Variants in OR3A2 observed in about 807,000 individuals in gnomAD.
OR3A2 encodes the protein olfactory receptor 3A2.
For missense variants in OR3A2, 318 were observed against 392.8 expected, an observed-to-expected ratio of 0.81 and a Z score of 1.61; for synonymous variants, 126 against 159.3, an observed-to-expected ratio of 0.79 and a Z score of 1.57.
chr17:3,365,531 G>T (rs2049555163), intron 2 of OR3A2, among the ~76,000 whole-genome samples: 1 of 152,154 alleles, frequency 6.6e-6, no homozygotes, highest in South Asian at 2.1e-4. Flanking sequence ...AATCTCAGTG[G>T]ATTAACACAA....
At chr17:3,320,794 G>T (rs568427004) in intron 3 of OR3A2, among the ~76,000 whole-genome samples, 1 of 152,218 alleles carries the variant, frequency 6.6e-6, no homozygotes, top group African/African-American at 2.4e-5. Context: ...TTGCAGTATA[G>T]TTGGAAGTCA....
At chr17:3,356,983 G>C (rs147591008) in intron 2 of OR3A2, among the ~76,000 whole-genome samples, 1,601 of 151,724 alleles carry the variant, frequency 0.011, 90 homozygotes, top group African/African-American at 0.038. Flanking sequence ...CAAAGAACTG[G>C]AAGCTTATCA....
At chr17:3,289,109 G>C (rs533753965), upstream of OR3A2, among the ~76,000 whole-genome samples, 29 of 146,644 alleles carry the variant, frequency 2.0e-4, no homozygotes, top group African/African-American at 7.7e-4. Context: ...GTGTGTGTGA[G>C]TGTGTGTTTG....
chr17:3,370,715 G>C (rs2049607842), intron 2 of OR3A2, among the ~76,000 whole-genome samples: 1 of 151,550 alleles, frequency 6.6e-6, no homozygotes, highest in South Asian at 2.1e-4. Context: ...TGGAGGGAAG[G>C]TCAGCAGATA....
chr17:3,363,739 A>C (rs780385609), intron 2 of OR3A2, among the ~76,000 whole-genome samples: 14 of 152,198 alleles, frequency 9.2e-5, no homozygotes, highest in Admixed American at 3.3e-4. Flanking sequence ...TGGGTAATTT[A>C]TGAAGAGGTT....
intron 3 of OR3A2, chr17:3,291,793 G>T: frequency 1.9e-6 from 3 of 1,613,708 alleles, no homozygotes; most frequent in Non-Finnish European, 2.5e-6. Context: ...GAACCCAGTC[G>T]CATATAGTTA....
intron 3 of OR3A2, among the ~76,000 whole-genome samples, chr17:3,323,361 A>C (rs1474693648): frequency 6.6e-6 from 1 of 152,094 alleles, no homozygotes; most frequent in African/African-American, 2.4e-5. Context: ...ATTTATATTC[A>C]AAGTTAATAT....
At chr17:3,324,240 G>C (rs1048523904) in intron 3 of OR3A2, among the ~76,000 whole-genome samples, 2 of 151,924 alleles carry the variant, frequency 1.3e-5, no homozygotes, top group African/African-American at 2.4e-5. Flanking sequence ...TGCATTGGTT[G>C]TTCTAGTTAT....
intron 2 of OR3A2, among the ~76,000 whole-genome samples, chr17:3,341,632 C>A (rs1033975356): frequency 1.3e-5 from 2 of 152,152 alleles, no homozygotes; most frequent in Non-Finnish European, 2.9e-5. Context: ...CTGAGAGATC[C>A]ACTGTTAGTC....
At chr17:3,330,122 T>G (rs201789481) in intron 3 of OR3A2, among the ~76,000 whole-genome samples, 11,045 of 148,246 alleles carry the variant, frequency 0.075, 995 homozygotes, top group East Asian at 0.48. Flanking sequence ...GAGGAGAGCT[T>G]TACTTCCAAG....
At chr17:3,339,849 A>G (rs1379528443) in intron 2 of OR3A2, among the ~76,000 whole-genome samples, 1 of 152,170 alleles carries the variant, frequency 6.6e-6, no homozygotes, top group African/African-American at 2.4e-5. Flanking sequence ...AAGGAATGGT[A>G]CCAGCTCCTC....
chr17:3,379,618 C>T (rs1377040031), intron 2 of OR3A2, among the ~76,000 whole-genome samples: 1 of 152,158 alleles, frequency 6.6e-6, no homozygotes, highest in African/African-American at 2.4e-5. Context: ...AGGGCACCCG[C>T]AGCTCCACTT....
chr17:3,288,054 A>G (rs2048829856), upstream of OR3A2, among the ~76,000 whole-genome samples: 1 of 151,702 alleles, frequency 6.6e-6, no homozygotes, highest in African/African-American at 2.4e-5. Flanking sequence ...TTTCCTAAGC[A>G]TGACATAAAA....
intron 2 of OR3A2, among the ~76,000 whole-genome samples, chr17:3,366,575 G>T (rs1008582973): frequency 4.6e-5 from 7 of 152,160 alleles, no homozygotes; most frequent in Admixed American, 3.3e-4. Flanking sequence ...ACAGAAGTAT[G>T]ATTAACAACC....
intron 3 of OR3A2, among the ~76,000 whole-genome samples, chr17:3,332,347 G>A (rs2049243012): frequency 6.6e-6 from 1 of 152,202 alleles, no homozygotes; most frequent in Admixed American, 6.5e-5. Context: ...AGACTGCTGT[G>A]CTAGCAATCA....
chr17:3,333,408 T>C (rs2049255149), intron 3 of OR3A2, among the ~76,000 whole-genome samples: 1 of 152,198 alleles, frequency 6.6e-6, no homozygotes, highest in Non-Finnish European at 1.5e-5. Context: ...CTTGTGATCT[T>C]TGCTTTGCCC....
intron 3 of OR3A2, among the ~76,000 whole-genome samples, chr17:3,318,537 A>G (rs1051465728): frequency 6.6e-6 from 1 of 152,112 alleles, no homozygotes. Context: ...AGCCTCCTTC[A>G]CACCCCAGAA....
intron 3 of OR3A2, among the ~76,000 whole-genome samples, chr17:3,335,353 A>G (rs1203372639): frequency 6.6e-6 from 1 of 152,056 alleles, no homozygotes; most frequent in Non-Finnish European, 1.5e-5. Context: ...CTTTTCTTGT[A>G]TGCCTGGAAT....
intron 3 of OR3A2, among the ~76,000 whole-genome samples, chr17:3,323,663 C>G (rs1194149479): frequency 6.6e-6 from 1 of 151,912 alleles, no homozygotes; most frequent in Admixed American, 6.6e-5. Flanking sequence ...AATTCTTTTC[C>G]TTAAGAATGT....
Sources: gnomAD v4.1 joint callset for allele counts (sites outside exome capture counted in the v4.1 genomes callset) on GRCh38, gnomAD v4.1.1 for gene constraint, MANE v1.5 for transcripts, NCBI Gene and HGNC (gene_info 2026-07-23, HGNC 2026-07-21) for gene names.